Variants in CADPS observed in about 807,000 individuals in gnomAD.
CADPS encodes calcium-dependent secretion activator 1.
In CADPS, 57 loss-of-function variants were observed where a neutral mutation model predicts 167.3. The observed-to-expected ratio is 0.34, with a 90% CI of 0.28 to 0.42. The LOEUF is 0.42. Ranked by LOEUF, CADPS falls within the 20% of genes least tolerant of loss-of-function variation. The pLI, the probability that CADPS is intolerant of heterozygous loss-of-function variation, is 1.00. For synonymous variants in CADPS, 676 were observed against 635.3 expected, an observed-to-expected ratio of 1.06 and a Z score of -0.96; for missense variants, 1,414 against 1,738.1, an observed-to-expected ratio of 0.81 and a Z score of 3.32.
At chr3:62,504,444 C>G (rs1445331148) in intron 17 of CADPS, among the ~76,000 whole-genome samples, 1 of 152,204 alleles carries the variant, frequency 6.6e-6, no homozygotes, top group African/African-American at 2.4e-5. Context: ...CTGACTCATT[C>G]TCACCCAGTT....
intron 26 of CADPS, among the ~76,000 whole-genome samples, chr3:62,459,251 A>C (rs896713893): frequency 2.0e-5 from 3 of 152,230 alleles, no homozygotes; most frequent in African/African-American, 7.2e-5. Context: ...CAGCTCCAGC[A>C]TCAGAAGACC....
intron 6 of CADPS, chr3:62,625,793 A>G (rs1019844149): frequency 2.7e-5 from 4 of 150,918 alleles, no homozygotes; most frequent in East Asian, 3.9e-4. Context: ...TTCAAGAGCC[A>G]TCTTCTCCAG....
intron 1 of CADPS, among the ~76,000 whole-genome samples, chr3:62,829,393 C>T (rs2074657851): frequency 6.6e-6 from 1 of 152,004 alleles, no homozygotes; most frequent in Admixed American, 6.6e-5. Flanking sequence ...AATACTATGC[C>T]ATTTTATATA....
At chr3:62,650,394 C>T (rs1455396985) in intron 5 of CADPS, among the ~76,000 whole-genome samples, 1 of 152,144 alleles carries the variant, frequency 6.6e-6, no homozygotes, top group East Asian at 1.9e-4. Flanking sequence ...TGAATGGGTA[C>T]TTACTTTGGG....
intron 17 of CADPS, among the ~76,000 whole-genome samples, chr3:62,510,191 C>CATCTATCT (rs57153814): frequency 0.25 from 36,997 of 148,098 alleles, 4,741 homozygotes; most frequent in Middle Eastern, 0.29. Context: ...CCTATTTCTG[C>CATCTATCT]ATCTATCTAT....
chr3:62,516,643 C>T lies in CADPS; in HGVS notation c.2394G>A (p.Arg798=). Residue 798 remains arginine (R), a splice_region_variant and synonymous_variant, in exon 15 of 30, where the codon AGG becomes AGA. Coordinates refer to ENST00000383710, the MANE Select transcript of CADPS (RefSeq NM_003716.4). ...CAGGTCGACCAAATGGAAAGCAATA[C>T]CTAAAAAAGACAAAATTCTTCAGGT... ...VLLENQITHF[R]YCFPFGRPEG... is the part of the protein sequence containing the mutation. The T allele has an allele frequency of 9.4e-6, 15 of 1,596,350 alleles. No individual in the cohort carries two copies. The highest frequency in any genetic ancestry group is 1.1e-5 in the Non-Finnish European group (13 of 1,169,204).
At position 62,399,683 on chromosome 3, in the gene CADPS, A is replaced by G; in HGVS notation, c.3883-98T>C. On this transcript the variant is annotated intron_variant, in intron 29 of 29. Coordinates refer to ENST00000383710, the MANE Select transcript of CADPS (RefSeq NM_003716.4). This position sits in a 1 kb window ranked among gnomAD's most constrained non-coding sequence, Gnocchi z 5.6. ...TGTGGGTGGGAGAGCACTGACCTTC[A>G]GCTAAATATCACACTTTATGCATTG... 1 of 907,822 alleles carries G rather than the reference A, an allele frequency of 1.1e-6. No homozygotes were observed. The highest frequency in any genetic ancestry group is 1.7e-6 in the Non-Finnish European group (1 of 579,060). 56.2% of individuals were successfully genotyped at this position (907,822 alleles called of 1,614,324 possible). A position where few individuals can be genotyped will look rare whatever the true frequency, so the allele number is the denominator to read the frequency against.
chr3:62,641,551 C>T (rs2067418111), intron 6 of CADPS, among the ~76,000 whole-genome samples: 1 of 152,182 alleles, frequency 6.6e-6, no homozygotes, highest in South Asian at 2.1e-4. Flanking sequence ...CTCCATCTCC[C>T]TGCCTTCCTG....
At position 62,874,921 on chromosome 3, in the gene CADPS, G is replaced by C. The variant is rs1404534547; in HGVS notation, c.109C>G (p.Arg37Gly). 1.3e-6 allele frequency: 2 copies of C among 1,482,672 alleles called. No individual in the cohort carries two copies. The highest frequency in any genetic ancestry group is 2.6e-5 in the South Asian group (2 of 77,836). 91.8% of individuals were successfully genotyped at this position (1,482,672 alleles called of 1,614,324 possible). ...CTGCCGGCCGAGCCCTCGCTGGTAC[G>C]GCTGGGAGACAGGCGCGCGCCGGAC... ...APSGARLSPSRTSEGSAGSAG... is the reference protein window; with the variant it reads ...APSGARLSPSGTSEGSAGSAG... Residue 37 changes from arginine (R) to glycine (G), a missense_variant, in exon 1 of 30, where the codon CGT becomes GGT. By Grantham distance (125) the Arg-to-Gly change is moderately radical. Transcript: ENST00000383710. The surrounding 1 kb of genome is among the most constrained non-coding windows in gnomAD (Gnocchi z 7.1).
chr3:62,789,448 T>C (rs942435014), intron 1 of CADPS, among the ~76,000 whole-genome samples: 1 of 152,244 alleles, frequency 6.6e-6, no homozygotes, highest in Non-Finnish European at 1.5e-5. Flanking sequence ...AAGCATTTTA[T>C]TGAAAATGGC....
At position 62,418,063 on chromosome 3, in the gene CADPS, T is replaced by C. The variant is rs191815755; in HGVS notation, c.3778-14878A>G. On this transcript the variant is annotated intron_variant, in intron 28 of 29. Transcript: ENST00000383710. ...GCACTTATTATATATCGGGCACTAT[T>C]CTAAGCAGTGTATATGACTTAAACT... Among the ~76,000 whole-genome samples the C allele has an allele frequency of 1.9e-3, 287 of 152,190 alleles. 3 individuals carry two copies. The highest frequency in any genetic ancestry group is 0.013 in the Admixed American group (197 of 15,276).
chr3:62,809,225 T>A, intron 1 of CADPS, among the ~76,000 whole-genome samples: 1 of 152,102 alleles, frequency 6.6e-6, no homozygotes, highest in Non-Finnish European at 1.5e-5. Context: ...TAAAAAAAAA[T>A]ATATTGAATC....
intron 3 of CADPS, among the ~76,000 whole-genome samples, chr3:62,728,652 AC>A (rs2077186415): frequency 1.3e-5 from 2 of 151,930 alleles, no homozygotes; most frequent in Non-Finnish European, 2.9e-5. Context: ...AACATAAGTG[AC>A]TGAGTTATCT....
chr3:62,560,037 G>A (rs986720139), intron 9 of CADPS, among the ~76,000 whole-genome samples: 1 of 147,286 alleles, frequency 6.8e-6, no homozygotes, highest in Non-Finnish European at 1.5e-5. Flanking sequence ...GTATGCTGAT[G>A]CCCTCTTCTG....
At chr3:62,832,247 A>T (rs2075221334) in intron 1 of CADPS, among the ~76,000 whole-genome samples, 3 of 152,194 alleles carry the variant, frequency 2.0e-5, no homozygotes, top group Admixed American at 2.0e-4. Flanking sequence ...AAAATACTCC[A>T]GGTGATCCTA....
intron 6 of CADPS, among the ~76,000 whole-genome samples, chr3:62,597,177 C>CA (rs1424499077): frequency 2.0e-5 from 3 of 151,776 alleles, no homozygotes; most frequent in East Asian, 1.9e-4. Context: ...ATTTTTTCTA[C>CA]AAAAAACAAA....
At chr3:62,831,685 T>C (rs2075119744) in intron 1 of CADPS, among the ~76,000 whole-genome samples, 1 of 152,126 alleles carries the variant, frequency 6.6e-6, no homozygotes, top group Admixed American at 6.6e-5. Context: ...TACCTAAAAC[T>C]ATAGTAGGAA....
chr3:62,812,297 C>T (rs1019729964), intron 1 of CADPS, among the ~76,000 whole-genome samples: 8 of 152,034 alleles, frequency 5.3e-5, no homozygotes, highest in African/African-American at 1.9e-4. Context: ...CAAGAAAATG[C>T]CACTTTTTAA....
chr3:62,724,887 TG>T (rs2076458916), intron 3 of CADPS, among the ~76,000 whole-genome samples: 1 of 152,222 alleles, frequency 6.6e-6, no homozygotes, highest in Non-Finnish European at 1.5e-5. Flanking sequence ...TAAACACACT[TG>T]GGGAAATAGA....
Sources: allele counts gnomAD v4.1 joint callset (sites outside exome capture counted in the v4.1 genomes callset), GRCh38; gene constraint gnomAD v4.1.1; non-coding constraint Gnocchi (gnomAD v3.1); transcripts MANE v1.5; gene names NCBI Gene and HGNC (gene_info 2026-07-23, HGNC 2026-07-21).